Variants in SLAIN1 observed in about 807,000 individuals in gnomAD.
The protein encoded by SLAIN1 is SLAIN motif-containing protein 1.
Under a neutral mutation model 55.4 loss-of-function variants are expected in SLAIN1, and 17 were observed. That is an observed-to-expected ratio of 0.31 (90% CI 0.21 to 0.46). The LOEUF is 0.46. SLAIN1 is among the 20% of genes least tolerant of loss of function. The pLI is 1.00. For missense variants in SLAIN1, 682 were observed against 785.1 expected (o/e 0.87, Z 1.57); for synonymous variants, 348 against 337.4 (o/e 1.03, Z -0.35).
intron 2 of SLAIN1, among the ~76,000 whole-genome samples, chr13:77,721,386 G>A (rs2091260753): frequency 6.6e-6 from 1 of 152,098 alleles, no homozygotes; most frequent in South Asian, 2.1e-4. Context: ...TATCTTTGTA[G>A]CAGTGTGAGA....
chr13:77,697,855 CGAGGA>C lies in SLAIN1; in HGVS notation c.-57_-53del. ...AAGGAGCCGTAGCCTCCCCGTGGCC[CGAGGA>C]GCCGGCGCGGCGGCGCGCACTCCCC... On this transcript the variant is annotated 5_prime_UTR_variant, in exon 1 of 7. Transcript: ENST00000418532. 1 of 1,262,646 alleles carries C rather than the reference CGAGGA, an allele frequency of 7.9e-7. No individual in the cohort carries two copies. Among genetic ancestry groups the C allele is most frequent in the Non-Finnish European group, 1.0e-6 (1 of 1,004,270 alleles). The allele number at this position is 1,262,646 out of a possible 1,614,324, so 78.2% of individuals were successfully genotyped here.
Position 77,697,812 on chromosome 13 carries a change from C to A in SLAIN1, c.-102C>A. The A allele has an allele frequency of 1.7e-6, 2 of 1,159,090 alleles. No homozygotes were observed. Among genetic ancestry groups the A allele is most frequent in the Middle Eastern group, 3.5e-4 (1 of 2,828 alleles). 71.8% of individuals were successfully genotyped at this position (1,159,090 alleles called of 1,614,324 possible). ...CTCAGCCCGCGCGTGGTCGGCCCCC[C>A]AGGCCGGGGCGACAGGGAAGGAGCC... On this transcript the variant is annotated 5_prime_UTR_variant, in exon 1 of 7. Coordinates refer to ENST00000418532, the MANE Select transcript of SLAIN1 (RefSeq NM_001242868.2).
intron 2 of SLAIN1, among the ~76,000 whole-genome samples, chr13:77,725,466 C>T (rs148331250): frequency 6.6e-6 from 1 of 152,280 alleles, no homozygotes; most frequent in Non-Finnish European, 1.5e-5. Flanking sequence ...TTTTGTCTCT[C>T]ATACTCTTAA....
At chr13:77,758,168 T>A (rs1279995431) in intron 5 of SLAIN1, among the ~76,000 whole-genome samples, 2 of 152,212 alleles carry the variant, frequency 1.3e-5, no homozygotes, top group Non-Finnish European at 2.9e-5. Flanking sequence ...AATTTGCATT[T>A]CCCTAATGAT....
intron 2 of SLAIN1, chr13:77,743,045 A>C (rs950994974): frequency 1.5e-6 from 2 of 1,297,984 alleles, no homozygotes; most frequent in Non-Finnish European, 2.0e-6. Context: ...CTTCTCTTCA[A>C]CTGCCTCACT....
At chr13:77,709,004 C>T (rs2091119163) in intron 1 of SLAIN1, among the ~76,000 whole-genome samples, 1 of 151,808 alleles carries the variant, frequency 6.6e-6, no homozygotes, top group Non-Finnish European at 1.5e-5. Context: ...TGCAAGGAAG[C>T]TAAGAACTTT....
At chr13:77,709,423 A>G (rs1425106748) in intron 1 of SLAIN1, among the ~76,000 whole-genome samples, 2 of 152,114 alleles carry the variant, frequency 1.3e-5, no homozygotes, top group African/African-American at 2.4e-5. Flanking sequence ...CAACAAAGAT[A>G]CTCCTCGAGA....
At chr13:77,705,931 C>G (rs1424742928) in intron 1 of SLAIN1, among the ~76,000 whole-genome samples, 1 of 152,030 alleles carries the variant, frequency 6.6e-6, no homozygotes, top group Non-Finnish European at 1.5e-5. Context: ...TGTCAGGAGA[C>G]TGACTCTGAA....
rs1027757662 is a variant in SLAIN1, at chr13:77,697,724, C to T, written c.-190C>T. Reference sequence around the variant, plus strand: ...GACGCACTGAGCATGTGCAGATCAGCTCGGTGGTGGCTGCCGCGGCCGGAG... The same window carrying T: ...GACGCACTGAGCATGTGCAGATCAGTTCGGTGGTGGCTGCCGCGGCCGGAG... On this transcript the variant is annotated 5_prime_UTR_variant, in exon 1 of 7. Transcript: ENST00000418532. The T allele has an allele frequency of 9.0e-6, 3 of 334,014 alleles. No individual in the cohort carries two copies. The highest frequency in any genetic ancestry group is 1.1e-4 in the Admixed American group (2 of 18,270). 20.7% of individuals were successfully genotyped at this position (334,014 alleles called of 1,614,324 possible).
At chr13:77,736,917 C>A (rs1021498159) in intron 2 of SLAIN1, among the ~76,000 whole-genome samples, 1 of 151,742 alleles carries the variant, frequency 6.6e-6, no homozygotes, top group African/African-American at 2.4e-5. Flanking sequence ...CCTTCCAGTC[C>A]CTTCTCTTTT....
chr13:77,711,618 G>A (rs1053398142), intron 1 of SLAIN1, among the ~76,000 whole-genome samples: 6 of 152,164 alleles, frequency 3.9e-5, no homozygotes, highest in Admixed American at 2.6e-4. Flanking sequence ...AGGATCAGAT[G>A]GATTCAGAGC....
chr13:77,701,836 A>G (rs2091033911), intron 1 of SLAIN1, among the ~76,000 whole-genome samples: 1 of 150,870 alleles, frequency 6.6e-6, no homozygotes, highest in Admixed American at 6.6e-5. Context: ...TTACATATGT[A>G]TACATGTGCC....
At chr13:77,750,467 G>C (rs1461740346) in intron 4 of SLAIN1, among the ~76,000 whole-genome samples, 1 of 152,046 alleles carries the variant, frequency 6.6e-6, no homozygotes. Context: ...ACCAGTTTTT[G>C]TAATAGTCAA....
intron 1 of SLAIN1, among the ~76,000 whole-genome samples, chr13:77,713,253 G>A (rs1344372323): frequency 2.6e-5 from 4 of 151,428 alleles, no homozygotes; most frequent in African/African-American, 9.7e-5. Context: ...TACTGAATGG[G>A]AGAAAATTTT....
chr13:77,754,763 T>A (rs1874480524), intron 5 of SLAIN1, among the ~76,000 whole-genome samples: 1 of 152,224 alleles, frequency 6.6e-6, no homozygotes, highest in African/African-American at 2.4e-5. Context: ...CATGTTTTAC[T>A]ATTAATATGT....
chr13:77,705,669 G>A (rs573138190), intron 1 of SLAIN1, among the ~76,000 whole-genome samples: 1 of 148,592 alleles, frequency 6.7e-6, no homozygotes, highest in Admixed American at 6.7e-5. Context: ...TAAAAACCTT[G>A]CCTATCTAAT....
intron 5 of SLAIN1, among the ~76,000 whole-genome samples, chr13:77,756,062 T>A (rs926359133): frequency 2.0e-5 from 3 of 152,208 alleles, no homozygotes; most frequent in Admixed American, 2.0e-4. Flanking sequence ...GGGTCTTTTC[T>A]TAATCATAAA....
chr13:77,733,126 A>G (rs1397500365), intron 2 of SLAIN1, among the ~76,000 whole-genome samples: 3 of 152,172 alleles, frequency 2.0e-5, no homozygotes, highest in Admixed American at 2.0e-4. Flanking sequence ...ATTTCCGTGG[A>G]ATAAATGTTA....
At chr13:77,716,430 T>C (rs2091208548) in intron 1 of SLAIN1, among the ~76,000 whole-genome samples, 1 of 152,096 alleles carries the variant, frequency 6.6e-6, no homozygotes, top group South Asian at 2.1e-4. Flanking sequence ...TGCTGGAATT[T>C]CTATTGGGAT....
Sources: gnomAD v4.1 joint callset for allele counts (sites outside exome capture counted in the v4.1 genomes callset) on GRCh38, gnomAD v4.1.1 for gene constraint, MANE v1.5 for transcripts, NCBI Gene and HGNC (gene_info 2026-07-23, HGNC 2026-07-21) for gene names.